The following MMAB variants were observed in gnomAD, a reference collection of about 807,000 sequenced individuals.
The protein encoded by MMAB is corrinoid adenosyltransferase MMAB.
Under a neutral mutation model 30.6 loss-of-function variants are expected in MMAB, and 17 were observed. The ratio of observed to expected loss-of-function variants is 0.56; its 90% CI spans 0.38 to 0.83. The LOEUF (loss-of-function observed/expected upper bound fraction) is 0.83. Among genes scored for constraint, MMAB ranks in the 40% least tolerant of loss-of-function variants. The pLI is 0.00. For synonymous variants in MMAB, 134 were observed against 138.6 expected, an observed-to-expected ratio of 0.97 and a Z score of 0.23; for missense variants, 311 against 331.6, an observed-to-expected ratio of 0.94 and a Z score of 0.48.
chr12:109,561,171 C>G lies in MMAB; in HGVS notation c.520-67G>C, dbSNP rs1884184395. 2 of 1,597,730 alleles carry G rather than the reference C, an allele frequency of 1.3e-6. No homozygotes were observed. The highest frequency in any genetic ancestry group is 3.3e-5 in the Admixed American group (2 of 59,994). On this transcript the variant is annotated intron_variant, in intron 6 of 8. Transcript: ENST00000545712. The surrounding 1 kb of genome is among the most constrained non-coding windows in gnomAD (Gnocchi z 5.3). ...GTGTGCCCACTGCGGACAGGAGCTC[C>G]TCTGAAGTCCAGCCCTGCCCCCCAA...
rs994513423 is a variant in MMAB at position 109,568,795 on chromosome 12, T to C, written c.265A>G (p.Thr89Ala). ...DDQVFEAVGT[T>A]DELSSAIGFA... Reference sequence around the variant, plus strand: ...CCAATAGCTGAACTTAATTCATCTGTAGTTCCCACGGCTTCAAACACTTGG... The same window carrying C: ...CCAATAGCTGAACTTAATTCATCTGCAGTTCCCACGGCTTCAAACACTTGG... The change falls in exon 3 of 9, where the codon ACA becomes GCA. Residue 89 changes from threonine to alanine, a missense_variant. Thr to Ala is a moderately conservative substitution (Grantham distance 58). Coordinates refer to ENST00000545712, the MANE Select transcript of MMAB (RefSeq NM_052845.4). The C allele has an allele frequency of 6.2e-7, 1 of 1,614,138 alleles. No homozygotes were observed. Among genetic ancestry groups the C allele is most frequent in the African/African-American group, 1.3e-5 (1 of 75,064 alleles).
chr12:109,557,122 A>G lies in MMAB; in HGVS notation c.659T>C (p.Leu220Pro), dbSNP rs1281109870. 1 of 1,612,254 alleles carries G rather than the reference A, an allele frequency of 6.2e-7. No homozygotes were observed. The change falls in exon 9 of 9, where the codon CTC (leucine) becomes CCC (proline). Residue 220 changes from leucine (L) to proline (P), a missense_variant. Transcript: ENST00000545712. ...GGCTGCATATCTGGCTAGCGTGAAGAGATAGTCACTGAGTCTGGAGGGGCA... is the reference window on the plus strand; with the variant it reads ...GGCTGCATATCTGGCTAGCGTGAAGGGATAGTCACTGAGTCTGGAGGGGCA... ...AKFLNRLSDY[L>P]FTLARYAAMK...
At chr12:109,568,707 A>T in intron 3 of MMAB, 63 bp downstream of exon 3, 1 of 1,266,662 alleles carries the variant, frequency 7.9e-7, no homozygotes, top group Non-Finnish European at 1.2e-6. Context: ...AGAGCTTCAC[A>T]TTCATTACGT....
At position 109,554,508 on chromosome 12, in the gene MMAB, C is replaced by T. The variant is rs557038957; in HGVS notation, c.*2520G>A. On this transcript the variant is annotated 3_prime_UTR_variant, in exon 9 of 9. Transcript: ENST00000545712. The stretch of plus-strand genomic sequence containing the variant: ...AAAATCAAATTATGAAAAAAATCTA[C>T]GATAAGCAAGGGATCACGACTTTAA... 12 of 454,102 alleles carry T rather than the reference C, an allele frequency of 2.6e-5. No homozygotes were observed. Among genetic ancestry groups the T allele is most frequent in the Admixed American group, 7.0e-5 (3 of 42,576 alleles). The allele number at this position is 454,102 out of a possible 1,614,324, so 28.1% of individuals were successfully genotyped here.
Position 109,556,211 on chromosome 12 carries a change from AAAT to A in MMAB, c.*814_*816del, listed in dbSNP as rs1192301530. On this transcript the variant is annotated 3_prime_UTR_variant, in exon 9 of 9. Transcript: ENST00000545712. Reference sequence around the variant, plus strand: ...AAGCCAGCCAAGTGCAACATCGGAGAAATCAGTCTGGTGGATGTCAGCCTTGCT... The same window carrying A: ...AAGCCAGCCAAGTGCAACATCGGAGACAGTCTGGTGGATGTCAGCCTTGCT... The A allele has an allele frequency of 2.2e-6, 1 of 453,966 alleles. No homozygotes were observed. Among genetic ancestry groups the A allele is most frequent in the Non-Finnish European group, 4.4e-6 (1 of 226,804 alleles). 28.1% of individuals were successfully genotyped at this position (453,966 alleles called of 1,614,324 possible).
At position 109,569,769 on chromosome 12, in the gene MMAB, C is replaced by A. The variant is rs1386411661; in HGVS notation, c.197-906G>T. The stretch of plus-strand genomic sequence containing the variant: ...ATTTCACAGAAAACCATCAGACAGG[C>A]CACTCTATGACTATGACGGTTCGAG... On this transcript the variant is annotated intron_variant, in intron 2 of 8. Transcript: ENST00000545712. The surrounding 1 kb of genome is among the most constrained non-coding windows in gnomAD (Gnocchi z 4.1). Among the ~76,000 whole-genome samples, 1 of 152,168 alleles carries A rather than the reference C, an allele frequency of 6.6e-6. No individual in the cohort carries two copies. The highest frequency in any genetic ancestry group is 1.5e-5 in the Non-Finnish European group (1 of 68,026).
At position 109,561,391 on chromosome 12, in the gene MMAB, G is replaced by GC. The variant is rs1884195208; in HGVS notation, c.519+28dup. ...TCTGTCACTGAACCTGCCTGCAGCC[G>GC]CCCCCGGTTAAGCCTGCCCAGTACC... On this transcript the variant is annotated intron_variant, in intron 6 of 8. Transcript: ENST00000545712. This position sits in a 1 kb window ranked among gnomAD's most constrained non-coding sequence, Gnocchi z 5.3. The GC allele has an allele frequency of 1.9e-6, 3 of 1,546,594 alleles. No individual in the cohort carries two copies. In the African/African-American group the frequency reaches 4.1e-5, roughly 21 times the overall value.
At chr12:109,563,948 C>T (rs1566134112) in intron 4 of MMAB, among the ~76,000 whole-genome samples, 1 of 152,218 alleles carries the variant, frequency 6.6e-6, no homozygotes, top group Non-Finnish European at 1.5e-5. Context: ...TGTCTCCGTG[C>T]TTGAAGTTCT....
Position 109,556,449 on chromosome 12 carries a change from C to T in MMAB, c.*579G>A, listed in dbSNP as rs755423305. On this transcript the variant is annotated 3_prime_UTR_variant, in exon 9 of 9. Coordinates refer to ENST00000545712, the MANE Select transcript of MMAB (RefSeq NM_052845.4). Reference sequence around the variant, plus strand: ...TTTCTGAGCCTCGCCTGTCAATCTGCAGCTATCCTTCCCCCACACTTTGGC... The same window carrying T: ...TTTCTGAGCCTCGCCTGTCAATCTGTAGCTATCCTTCCCCCACACTTTGGC... 17 of 454,012 alleles carry T rather than the reference C, an allele frequency of 3.7e-5. No homozygotes were observed. The highest frequency in any genetic ancestry group is 1.6e-4 in the South Asian group (10 of 64,474). 28.1% of individuals were successfully genotyped at this position (454,012 alleles called of 1,614,324 possible).
intron 1 of MMAB, among the ~76,000 whole-genome samples, chr12:109,572,473 A>C (rs1483030064): frequency 2.8e-5 from 4 of 140,510 alleles, no homozygotes; most frequent in Non-Finnish European, 4.5e-5. Context: ...GCTGGTTTTG[A>C]ACTCCTGAGC....
intron 3 of MMAB, chr12:109,567,154 G>C (rs1240426052): frequency 2.6e-6 from 1 of 390,606 alleles, no homozygotes; most frequent in Non-Finnish European, 5.1e-6. Flanking sequence ...TGGGCAACAA[G>C]CGCGAAACTC....
chr12:109,561,382 C>A lies in MMAB; in HGVS notation c.519+38G>T, dbSNP rs1449680337. On this transcript the variant is annotated intron_variant, in intron 6 of 8. Coordinates refer to ENST00000545712, the MANE Select transcript of MMAB (RefSeq NM_052845.4). This position sits in a 1 kb window ranked among gnomAD's most constrained non-coding sequence, Gnocchi z 5.3. ...CCATGTGTGTCTGTCACTGAACCTGCCTGCAGCCGCCCCCGGTTAAGCCTG... is the reference window on the plus strand; with the variant it reads ...CCATGTGTGTCTGTCACTGAACCTGACTGCAGCCGCCCCCGGTTAAGCCTG... The A allele has an allele frequency of 1.3e-6, 2 of 1,546,648 alleles. No individual in the cohort carries two copies. The highest frequency in any genetic ancestry group is 8.7e-7 in the Non-Finnish European group (1 of 1,145,252).
In MMAB at chr12:109,569,786, C is replaced by T. The variant is rs547875232; in HGVS notation, c.197-923G>A. Among the ~76,000 whole-genome samples the T allele has an allele frequency of 2.0e-5, 3 of 152,338 alleles. No homozygotes were observed. Among genetic ancestry groups the T allele is most frequent in the Admixed American group, 1.3e-4 (2 of 15,304 alleles). ...CAGACAGGCCACTCTATGACTATGACGGTTCGAGACCAAGACAAGGCCACT... is the reference window on the plus strand; with the variant it reads ...CAGACAGGCCACTCTATGACTATGATGGTTCGAGACCAAGACAAGGCCACT... On this transcript the variant is annotated intron_variant, in intron 2 of 8. Coordinates refer to ENST00000545712, the MANE Select transcript of MMAB (RefSeq NM_052845.4). The surrounding 1 kb of genome is among the most constrained non-coding windows in gnomAD (Gnocchi z 4.1).
chr12:109,557,256 G>T (rs748254561), intron 8 of MMAB, 120 bp from the exon 9 acceptor site: 1 of 763,834 alleles, frequency 1.3e-6, no homozygotes, highest in Non-Finnish European at 2.3e-6. Context: ...TGGGCACATT[G>T]TGCAGGGAGG....
chr12:109,566,143 C>T (rs758282445), intron 3 of MMAB, among the ~76,000 whole-genome samples: 14 of 152,202 alleles, frequency 9.2e-5, no homozygotes, highest in Non-Finnish European at 1.9e-4. Flanking sequence ...GCCACCAGAG[C>T]CATGCACCAC....
chr12:109,564,523 A>G (rs144298189), intron 4 of MMAB, among the ~76,000 whole-genome samples: 1 of 151,102 alleles, frequency 6.6e-6, no homozygotes, highest in Non-Finnish European at 1.5e-5. Context: ...TGCTGGGACT[A>G]TGGGTGCATG....
intron 2 of MMAB, among the ~76,000 whole-genome samples, chr12:109,570,712 A>C (rs1476010654): frequency 6.6e-6 from 1 of 152,106 alleles, no homozygotes; most frequent in Non-Finnish European, 1.5e-5. Context: ...TCTACAAAAA[A>C]AATTAAAAAG....
rs548647839 is a variant in MMAB at position 109,558,139 on chromosome 12, C to T, written c.644+957G>A. Among the ~76,000 whole-genome samples, 30 of 152,270 alleles carry T rather than the reference C, an allele frequency of 2.0e-4. No individual in the cohort carries two copies. Among genetic ancestry groups the T allele is most frequent in the African/African-American group, 5.8e-4 (24 of 41,560 alleles). Reference sequence around the variant, plus strand: ...CCCCACGGCTGGCTCTCAGGAAGAGCGAAGGGGAGGTTGTTCAGGGTATTT... The same window carrying T: ...CCCCACGGCTGGCTCTCAGGAAGAGTGAAGGGGAGGTTGTTCAGGGTATTT... On this transcript the variant is annotated intron_variant, in intron 8 of 8. Coordinates refer to ENST00000545712, the MANE Select transcript of MMAB (RefSeq NM_052845.4). This position sits in a 1 kb window ranked among gnomAD's most constrained non-coding sequence, Gnocchi z 4.3.
intron 3 of MMAB, chr12:109,568,352 TC>T (rs1884511994): frequency 3.7e-6 from 1 of 270,164 alleles, no homozygotes. Context: ...ACCTGGCCCA[TC>T]CTGATCTGGT....
Sources: allele counts gnomAD v4.1 joint callset (sites outside exome capture counted in the v4.1 genomes callset), GRCh38; gene constraint gnomAD v4.1.1; non-coding constraint Gnocchi (gnomAD v3.1); transcripts MANE v1.5; gene names NCBI Gene and HGNC (gene_info 2026-07-23, HGNC 2026-07-21).